Variants in PGAM5 observed in about 807,000 individuals in gnomAD.
PGAM5 encodes serine/threonine-protein phosphatase PGAM5, mitochondrial.
PGAM5 carries 25 observed loss-of-function variants against 30.6 expected under a neutral mutation model. The ratio of observed to expected loss-of-function variants is 0.82; its 90% confidence interval spans 0.60 to 1.14. The LOEUF (loss-of-function observed/expected upper bound fraction) is 1.14, where lower values mean the gene tolerates loss of function less well. Among genes scored for constraint, PGAM5 ranks in the 50% most tolerant of loss-of-function variants. The pLI, the probability that PGAM5 is intolerant of heterozygous loss-of-function variation, is 0.00. For missense variants in PGAM5, 384 were observed against 408.5 expected (o/e 0.94, Z 0.52); for synonymous variants, 201 against 179.1 (o/e 1.12, Z -0.98).
Position 132,710,995 on chromosome 12 carries a change from G to A in PGAM5, c.119G>A (p.Arg40His), listed in dbSNP as rs1244763482. ...CGCGCAGGCGGGGACGCGGAGCCAC[G>A]CCCGGCTGAGCCGCCGGCCTGGGCG... ...KPRAGGDAEP[R>H]PAEPPAWAGG... Residue 40 changes from arginine (R) to histidine (H), a missense_variant, in exon 1 of 6, where the codon CGC (arginine) becomes CAC (histidine). Physicochemically the swap from Arg to His is conservative, Grantham distance 29. Coordinates refer to ENST00000498926, the MANE Select transcript of PGAM5 (RefSeq NM_001170543.2). 8 of 1,203,606 alleles carry A rather than the reference G, an allele frequency of 6.6e-6. No homozygotes were observed. Among genetic ancestry groups the A allele is most frequent in the Non-Finnish European group, 8.2e-6 (8 of 970,340 alleles). The allele number at this position is 1,203,606 out of a possible 1,614,324, so 74.6% of individuals were successfully genotyped here.
At chr12:132,715,388 C>T (rs998636567) in intron 2 of PGAM5, among the ~76,000 whole-genome samples, 6 of 139,150 alleles carry the variant, frequency 4.3e-5, no homozygotes, top group African/African-American at 1.1e-4. Flanking sequence ...CTGGCCAACC[C>T]GGCAAAACCC....
chr12:132,717,033 C>T (rs57532765), intron 2 of PGAM5, among the ~76,000 whole-genome samples: 172 of 152,344 alleles, frequency 1.1e-3, no homozygotes, highest in African/African-American at 3.9e-3. Flanking sequence ...TCCGCCATGG[C>T]GCGTGGTTGG....
Position 132,720,798 on chromosome 12 carries a change from C to T in PGAM5, c.840C>T (p.Phe280=). 1 of 1,536,530 alleles carries T rather than the reference C, an allele frequency of 6.5e-7. No homozygotes were observed. The highest frequency in any genetic ancestry group is 8.7e-7 in the Non-Finnish European group (1 of 1,146,886). The change falls in exon 6 of 6, where the codon TTC becomes TTT. Residue 280 remains phenylalanine, a synonymous_variant. Transcript: ENST00000498926. ...VALRTLGDTG[F]MPPDKITRS ...TCAGGACCCTCGGGGACACGGGGTT[C>T]ATGCCTCCCGACAAGATCACTCGAT...
chr12:132,720,860 CT>C lies in PGAM5; in HGVS notation c.*33del. 1 of 1,528,906 alleles carries C rather than the reference CT, an allele frequency of 6.5e-7. No homozygotes were observed. The highest frequency in any genetic ancestry group is 8.8e-7 in the Non-Finnish European group (1 of 1,142,104). The allele number at this position is 1,528,906 out of a possible 1,614,324, so 94.7% of individuals were successfully genotyped here. A position where few individuals can be genotyped will look rare whatever the true frequency, so the allele number is the denominator to read the frequency against. On this transcript the variant is annotated 3_prime_UTR_variant, in exon 6 of 6. Coordinates refer to ENST00000498926, the MANE Select transcript of PGAM5 (RefSeq NM_001170543.2). ...CGGCCTCTCCTTCCCTCTGTCCTCC[CT>C]GCACAGGCCGCACACACTTAACGTT...
At position 132,722,445 on chromosome 12, in the gene PGAM5, T is replaced by G. The variant is rs907748786; in HGVS notation, c.*1617T>G. 1 of 151,656 alleles carries G rather than the reference T, an allele frequency of 6.6e-6. No homozygotes were observed. Among genetic ancestry groups the G allele is most frequent in the Non-Finnish European group, 1.5e-5 (1 of 67,928 alleles). 9.4% of individuals were successfully genotyped at this position (151,656 alleles called of 1,614,324 possible). On this transcript the variant is annotated 3_prime_UTR_variant, in exon 6 of 6. Transcript: ENST00000498926. ...TTTTATTTTTAGTAGAGATGGGGTT[T>G]CACCGTGTTGGCCAGGCTGGTCTCG...
chr12:132,716,506 G>A (rs1226186595), intron 2 of PGAM5, among the ~76,000 whole-genome samples: 1 of 152,096 alleles, frequency 6.6e-6, no homozygotes, highest in East Asian at 1.9e-4. Context: ...TAGGGTGACA[G>A]GTGTGAGCCA....
In PGAM5 at chr12:132,711,036, G is replaced by C; in HGVS notation, c.160G>C (p.Gly54Arg). 1 of 1,213,576 alleles carries C rather than the reference G, an allele frequency of 8.2e-7. No homozygotes were observed. Among genetic ancestry groups the C allele is most frequent in the Non-Finnish European group, 1.0e-6 (1 of 976,194 alleles). 75.2% of individuals were successfully genotyped at this position (1,213,576 alleles called of 1,614,324 possible). The change falls in exon 1 of 6, where the codon GGC becomes CGC. Residue 54 changes from glycine to arginine, a missense_variant. By Grantham distance (125) the Gly-to-Arg change is moderately radical (BLOSUM62 -2). Coordinates refer to ENST00000498926, the MANE Select transcript of PGAM5 (RefSeq NM_001170543.2). ...GGCCTGGGCGGGGGGCGCGCGGCCG[G>C]GCCCCGGTGTCTGGGACCCCAACTG... ...PPAWAGGARPGPGVWDPNWDR... is the reference protein window; with the variant it reads ...PPAWAGGARPRPGVWDPNWDR...
intron 5 of PGAM5, chr12:132,719,085 G>C (rs1447881545): frequency 2.9e-6 from 4 of 1,403,090 alleles, no homozygotes; most frequent in Admixed American, 3.0e-5. Flanking sequence ...GGCCCCTTGG[G>C]GGGCAGGGCC....
chr12:132,717,815 G>GAGGCC lies in PGAM5; in HGVS notation c.585+17_585+18insAGGCC. The GAGGCC allele has an allele frequency of 1.3e-6, 2 of 1,578,546 alleles. No homozygotes were observed. The highest frequency in any genetic ancestry group is 1.7e-6 in the Non-Finnish European group (2 of 1,162,510). ...GAAGCTGTGGTAAAAACCTCCCCGG[G>GAGGCC]GGGCAGCTGTGTCACCCTCGCCTTC... On this transcript the variant is annotated intron_variant, in intron 4 of 5. Transcript: ENST00000498926.
chr12:132,715,494 C>T (rs889703707), intron 2 of PGAM5, among the ~76,000 whole-genome samples: 2 of 148,616 alleles, frequency 1.3e-5, no homozygotes, highest in African/African-American at 2.5e-5. Flanking sequence ...TGGTGTGAAC[C>T]CTGGAGGCGG....
intron 2 of PGAM5, 139 bp from the exon 3 acceptor site, chr12:132,717,300 G>A (rs933494731): frequency 2.8e-5 from 29 of 1,032,614 alleles, no homozygotes; most frequent in Middle Eastern, 6.4e-4. Flanking sequence ...TCGTGTTTGC[G>A]GGCGGAGGAG....
intron 5 of PGAM5, 24 bp from the exon 6 acceptor site, chr12:132,720,654 T>C (rs1045870428): frequency 1.7e-5 from 24 of 1,441,466 alleles, no homozygotes; most frequent in Middle Eastern, 1.8e-4. Context: ...AACGTGCTCT[T>C]TCTCTCTCTC....
intron 3 of PGAM5, 55 bp from the exon 4 acceptor site, chr12:132,717,655 A>T: frequency 2.5e-6 from 4 of 1,580,700 alleles, no homozygotes; most frequent in Non-Finnish European, 8.6e-7. Context: ...GGGAGGTCAC[A>T]GCATCTCCGC....
intron 1 of PGAM5, among the ~76,000 whole-genome samples, chr12:132,712,298 G>A (rs1008432454): frequency 2.0e-5 from 3 of 152,088 alleles, no homozygotes; most frequent in East Asian, 1.9e-4. Context: ...TCATGCCTCC[G>A]TAGGCATGTT....
chr12:132,718,258 C>T lies in PGAM5; in HGVS notation c.719+138C>T, dbSNP rs529154406. ...CTCACCAGCCCCCGGGCGTCCACTTCCCGCGAGTCCTAGTCAGTTACGCGG... is the reference window on the plus strand; with the variant it reads ...CTCACCAGCCCCCGGGCGTCCACTTTCCGCGAGTCCTAGTCAGTTACGCGG... On this transcript the variant is annotated intron_variant, in intron 5 of 5. Coordinates refer to ENST00000498926, the MANE Select transcript of PGAM5 (RefSeq NM_001170543.2). 3 of 1,101,420 alleles carry T rather than the reference C, an allele frequency of 2.7e-6. No homozygotes were observed. In the African/African-American group the frequency reaches 4.8e-5, roughly 18 times the overall value. The allele number at this position is 1,101,420 out of a possible 1,614,324, so 68.2% of individuals were successfully genotyped here.
At chr12:132,720,464 C>G (rs879813859) in intron 5 of PGAM5, among the ~76,000 whole-genome samples, 1 of 152,216 alleles carries the variant, frequency 6.6e-6, no homozygotes, top group East Asian at 1.9e-4. Context: ...CCTGCTATCA[C>G]GCCCAGCTAA....
chr12:132,713,197 C>G (rs1179983448), intron 1 of PGAM5, among the ~76,000 whole-genome samples: 1 of 152,132 alleles, frequency 6.6e-6, no homozygotes, highest in Non-Finnish European at 1.5e-5. Flanking sequence ...GAACCGGGAG[C>G]TGAGCCCAGC....
chr12:132,721,110 C>T lies in PGAM5; in HGVS notation c.*282C>T, dbSNP rs866121452. On this transcript the variant is annotated 3_prime_UTR_variant, in exon 6 of 6. Transcript: ENST00000498926. Reference sequence around the variant, plus strand: ...GGACTTGAAAGAGGCCTGACCCAGACCACCATGTTCGCACCCACAGCTGAC... The same window carrying T: ...GGACTTGAAAGAGGCCTGACCCAGATCACCATGTTCGCACCCACAGCTGAC... 3.5e-6 allele frequency: 1 copy of T among 288,338 alleles called. No individual in the cohort carries two copies. 17.9% of individuals were successfully genotyped at this position (288,338 alleles called of 1,614,324 possible).
At chr12:132,718,735 C>A in intron 5 of PGAM5, 1 of 1,612,858 alleles carries the variant, frequency 6.2e-7, no homozygotes, top group Non-Finnish European at 8.5e-7. Context: ...CAACCACCTT[C>A]TGCCTCCGGC....
Sources: gnomAD v4.1 joint callset for allele counts (sites outside exome capture counted in the v4.1 genomes callset) on GRCh38, gnomAD v4.1.1 for gene constraint, MANE v1.5 for transcripts, NCBI Gene and HGNC (gene_info 2026-07-23, HGNC 2026-07-21) for gene names.